DUOX2: variants seen among roughly 807,000 people sequenced by gnomAD.
DUOX2 encodes the protein dual oxidase 2.
A neutral mutation model predicts 183.3 loss-of-function variants in DUOX2; 185 were observed. That is an observed-to-expected ratio of 1.01 (90% CI 0.90 to 1.14). The LOEUF is 1.14. Among genes scored for constraint, DUOX2 ranks in the 50% most tolerant of loss-of-function variants. DUOX2 has a pLI of 0.00. For synonymous variants in DUOX2, 788 were observed against 812.4 expected, an observed-to-expected ratio of 0.97 and a Z score of 0.51; for missense variants, 1,999 against 2,022.9, an observed-to-expected ratio of 0.99 and a Z score of 0.23.
intron 18 of DUOX2, among the ~76,000 whole-genome samples, chr15:45,104,644 G>A (rs1281014736): frequency 6.6e-6 from 1 of 152,154 alleles, no homozygotes; most frequent in Non-Finnish European, 1.5e-5. Flanking sequence ...GCGAAGTTAA[G>A]GGGAATGGAA....
In DUOX2 at chr15:45,110,450, C is replaced by T; in HGVS notation, c.1018G>A (p.Val340Met). 1.2e-6 allele frequency: 2 copies of T among 1,613,998 alleles called. No individual in the cohort carries two copies. Among genetic ancestry groups the T allele is most frequent in the Non-Finnish European group, 1.7e-6 (2 of 1,179,964 alleles). The part of the protein sequence containing the change: ...VASEQFFSTM[V>M]PPGVYMRNAS... ...CACCTCATGTAGACACCAGGGGGCA[C>T]CATGGTAGAGAAGAACTGCTCAGAG... Residue 340 changes from valine (V) to methionine (M), a missense_variant, in exon 9 of 34, where the codon GTG becomes ATG. This residue lies in a region of DUOX2 where 1,628 missense variants were observed against 1,608.6 expected (regional missense o/e 1.01). Transcript: ENST00000389039.
chr15:45,100,687 G>T, intron 23 of DUOX2, 68 bp downstream of exon 23: 1 of 1,295,772 alleles, frequency 7.7e-7, no homozygotes, highest in Non-Finnish European at 1.1e-6. Context: ...GGATATGTGG[G>T]TGGGGCCTAG....
In DUOX2 at chr15:45,093,850, A is replaced by G. The variant is rs1893822775; in HGVS notation, c.*300T>C. ...GAGTGGTCTTTATCTTCTTTGGGAG[A>G]TCCTGACTGGTTGCGCACTTGCTAA... On this transcript the variant is annotated 3_prime_UTR_variant, in exon 34 of 34. Transcript: ENST00000389039. 1 of 401,714 alleles carries G rather than the reference A, an allele frequency of 2.5e-6. No homozygotes were observed. Among genetic ancestry groups the G allele is most frequent in the Admixed American group, 3.6e-5 (1 of 27,788 alleles). The allele number at this position is 401,714 out of a possible 1,614,324, so 24.9% of individuals were successfully genotyped here. A position where few individuals can be genotyped will look rare whatever the true frequency, so the allele number is the denominator to read the frequency against.
rs1413339248 is a variant in DUOX2, at chr15:45,101,207, C to CT, written c.2918dup (p.Arg974AlafsTer148). 1 of 1,613,468 alleles carries CT rather than the reference C, an allele frequency of 6.2e-7. No homozygotes were observed. Among genetic ancestry groups the CT allele is most frequent in the Non-Finnish European group, 8.5e-7 (1 of 1,179,828 alleles). Reference sequence around the variant, plus strand: ...GCCAGAGCCCCATTCCTGCTCACCGCTCCCCAGGTGTCCGAGTGATGAACG... The same window carrying CT: ...GCCAGAGCCCCATTCCTGCTCACCGCTTCCCCAGGTGTCCGAGTGATGAACG... On this transcript the variant is annotated frameshift_variant, in exon 22 of 34. Coordinates refer to ENST00000389039, the MANE Select transcript of DUOX2 (RefSeq NM_001363711.2). LOFTEE classifies it high-confidence loss of function.
At position 45,112,695 on chromosome 15, in the gene DUOX2, G is replaced by A. The variant is rs866952598; in HGVS notation, c.184C>T (p.Pro62Ser). Residue 62 changes from proline (P) to serine (S), a missense_variant, in exon 4 of 34, where the codon CCA (proline) becomes TCA (serine). Coordinates refer to ENST00000389039, the MANE Select transcript of DUOX2 (RefSeq NM_001363711.2). ...TACACACCGTCGGCGTAATTGGCTGGTACGCGGCGCTGCAACCGGCAGCCT... is the reference window on the plus strand; with the variant it reads ...TACACACCGTCGGCGTAATTGGCTGATACGCGGCGCTGCAACCGGCAGCCT... ...AVGCRLQRRV[P>S]ANYADGVYQA... is the part of the protein sequence containing the mutation. 1 of 1,612,376 alleles carries A rather than the reference G, an allele frequency of 6.2e-7. No individual in the cohort carries two copies. Among genetic ancestry groups the A allele is most frequent in the Non-Finnish European group, 8.5e-7 (1 of 1,179,884 alleles).
In DUOX2 at chr15:45,109,895, G is replaced by T. The variant is rs119472029; in HGVS notation, c.1126C>A (p.Arg376=). 6.2e-7 allele frequency: 1 copy of T among 1,613,956 alleles called. No individual in the cohort carries two copies. Among genetic ancestry groups the T allele is most frequent in the Non-Finnish European group, 8.5e-7 (1 of 1,179,994 alleles). ...GACCCTGACCCCAGTCTGACCTCCC[G>T]AATCCAGTAGTTGTTGCAGACCCTG... is the stretch of plus-strand genomic sequence containing the variant. The part of the protein sequence containing the change: ...ALRVCNNYWI[R]ENPNLNSTQE... The change falls in exon 10 of 34, where the codon CGG becomes AGG. Residue 376 remains arginine, a synonymous_variant. Coordinates refer to ENST00000389039, the MANE Select transcript of DUOX2 (RefSeq NM_001363711.2).
At chr15:45,109,663 C>A (rs755970353) in intron 10 of DUOX2, 37 bp from the exon 11 acceptor site, 2 of 1,605,090 alleles carry the variant, frequency 1.2e-6, no homozygotes, top group East Asian at 2.2e-5. Flanking sequence ...AGGCCTCTAC[C>A]CAAAACTCGG....
intron 15 of DUOX2, 24 bp from the exon 16 acceptor site, chr15:45,106,665 TGAG>T: frequency 6.2e-7 from 1 of 1,613,312 alleles, no homozygotes; most frequent in South Asian, 1.1e-5. Context: ...GAAGGAACAG[TGAG>T]GAGGGAGCCC....
intron 32 of DUOX2, 119 bp downstream of exon 32, chr15:45,094,817 C>T: frequency 6.3e-7 from 1 of 1,592,856 alleles, no homozygotes; most frequent in Non-Finnish European, 8.6e-7. Flanking sequence ...ATCAGGCCAT[C>T]AGCTCTGTGC....
chr15:45,099,202 G>A, intron 26 of DUOX2, 181 bp downstream of exon 26: 1 of 521,686 alleles, frequency 1.9e-6, no homozygotes, highest in Admixed American at 2.7e-5. Flanking sequence ...AGTAGAGACG[G>A]GGTTTCACCG....
rs780200307 is a variant in DUOX2, at chr15:45,112,534, G to C, written c.325+20C>G. On this transcript the variant is annotated intron_variant, in intron 4 of 33. Coordinates refer to ENST00000389039, the MANE Select transcript of DUOX2 (RefSeq NM_001363711.2). ...GCAGAGCGCCAGATCAACCCCACTG[G>C]TCTCCCCCTTTGCCCTCACCAAAGA... 8 of 1,611,284 alleles carry C rather than the reference G, an allele frequency of 5.0e-6. No individual in the cohort carries two copies. The highest frequency in any genetic ancestry group is 4.2e-6 in the Non-Finnish European group (5 of 1,178,848).
chr15:45,095,317 G>T, intron 31 of DUOX2, 120 bp downstream of exon 31: 1 of 1,504,884 alleles, frequency 6.6e-7, no homozygotes, highest in East Asian at 2.3e-5. Context: ...CACTGGGTAA[G>T]AATGACCCCT....
rs769206058 is a variant in DUOX2, at chr15:45,100,826, C to T, written c.2934G>A (p.Gln978=). The stretch of plus-strand genomic sequence containing the variant: ...CTTCTGGGGCAGGGGGCCCCAGTCC[C>T]TGGGGGTGGGAGCTGAGAAAAAGAA... ...TRTPGERSHP[Q]GLGPPAPEAP... is the part of the protein sequence containing the mutation. Residue 978 remains glutamine (Q), a synonymous_variant, in exon 23 of 34, where the codon CAG becomes CAA. Coordinates refer to ENST00000389039, the MANE Select transcript of DUOX2 (RefSeq NM_001363711.2). The T allele has an allele frequency of 6.2e-7, 1 of 1,611,988 alleles. No homozygotes were observed. The highest frequency in any genetic ancestry group is 8.5e-7 in the Non-Finnish European group (1 of 1,178,180).
chr15:45,102,406 G>C (rs1054466092), intron 20 of DUOX2, among the ~76,000 whole-genome samples: 2 of 152,176 alleles, frequency 1.3e-5, no homozygotes, highest in Non-Finnish European at 2.9e-5. Context: ...CCAGGGAGGG[G>C]AACTAGCTGC....
rs1164231011 is a variant in DUOX2 at position 45,108,203 on chromosome 15, G to A, written c.1418C>T (p.Ala473Val). The change falls in exon 13 of 34, where the codon GCC (alanine) becomes GTC (valine). Residue 473 changes from alanine (A) to valine (V), a missense_variant. By Grantham distance (64) the Ala-to-Val change is moderately conservative. This residue lies in a region of DUOX2 where 1,628 missense variants were observed against 1,608.6 expected (regional missense o/e 1.01). Coordinates refer to ENST00000389039, the MANE Select transcript of DUOX2 (RefSeq NM_001363711.2). Reference sequence around the variant, plus strand: ...CTGGGATAGGTCCTGGTTGTACAGGGCAGCTGTGGCCTCCAGCACCTGGGG... The same window carrying A: ...CTGGGATAGGTCCTGGTTGTACAGGACAGCTGTGGCCTCCAGCACCTGGGG... Reference protein sequence around the residue: ...VDPQVLEATAALYNQDLSQLE... With the variant: ...VDPQVLEATAVLYNQDLSQLE... 4 of 1,614,066 alleles carry A rather than the reference G, an allele frequency of 2.5e-6. No individual in the cohort carries two copies. The highest frequency in any genetic ancestry group is 3.3e-4 in the Middle Eastern group (2 of 6,084).
rs1163373522 is a variant in DUOX2 at position 45,108,946 on chromosome 15, CA to C, written c.1240del (p.Trp414GlyfsTer69). On this transcript the variant is annotated frameshift_variant, in exon 12 of 34. Transcript: ENST00000389039. LOFTEE classifies it high-confidence loss of function. Reference protein sequence around the residue: ...NIVVEDLRDYWPGPGKFSRTD... With the variant: ...NIVVEDLRDYXPGPGKFSRTD... ...ACGGGAGAATTTGCCAGGGCCAGGC[CA>C]GTAATCTGAAGAGGAGAGAAGACTA... 1 of 1,614,184 alleles carries C rather than the reference CA, an allele frequency of 6.2e-7. No homozygotes were observed.
At chr15:45,101,757 C>T in intron 21 of DUOX2, 36 bp downstream of exon 21, 1 of 1,613,996 alleles carries the variant, frequency 6.2e-7, no homozygotes. Context: ...GGACACGCCC[C>T]CCCTCCCTGA....
chr15:45,107,011 C>A (rs377597913), intron 14 of DUOX2, 42 bp from the exon 15 acceptor site: 1 of 1,558,260 alleles, frequency 6.4e-7, no homozygotes, highest in East Asian at 2.4e-5. Flanking sequence ...CTGAGGATCC[C>A]GCTATGTGGC....
intron 10 of DUOX2, 34 bp from the exon 11 acceptor site, chr15:45,109,660 T>G (rs752530094): frequency 6.2e-7 from 1 of 1,603,522 alleles, no homozygotes; most frequent in Non-Finnish European, 8.5e-7. Context: ...GATAGGCCTC[T>G]ACCCAAAACT....
Sources: allele counts gnomAD v4.1 joint callset (sites outside exome capture counted in the v4.1 genomes callset), GRCh38; gene constraint gnomAD v4.1.1; regional missense constraint gnomAD v4.1.1; transcripts MANE v1.5; gene names NCBI Gene and HGNC (gene_info 2026-07-23, HGNC 2026-07-21).